Variants in ISOC2 observed in about 807,000 individuals in gnomAD.
ISOC2 encodes isochorismatase domain-containing protein 2.
A neutral mutation model predicts 19.3 loss-of-function variants in ISOC2; 15 were observed. The ratio of observed to expected loss-of-function variants is 0.78; its 90% CI spans 0.52 to 1.20. The LOEUF is 1.20. Ranked by LOEUF, ISOC2 falls within the 50% of genes most tolerant of loss-of-function variation. The pLI is 0.00. For synonymous variants in ISOC2, 106 were observed against 115.8 expected, an observed-to-expected ratio of 0.92 and a Z score of 0.54; for missense variants, 285 against 272.4, an observed-to-expected ratio of 1.05 and a Z score of -0.33.
Position 55,453,187 on chromosome 19 carries a change from C to CG in ISOC2, c.*120_*121insC, listed in dbSNP as rs1985921522. Reference sequence around the variant, plus strand: ...TGGGAAGGCAGCACCCTGCCCCCCCCACAAGGGGGCGGCACTCCTGGTGGA... The same window carrying CG: ...TGGGAAGGCAGCACCCTGCCCCCCCCGACAAGGGGGCGGCACTCCTGGTGGA... On this transcript the variant is annotated 3_prime_UTR_variant, in exon 6 of 6. Transcript: ENST00000425675. 3.2e-6 allele frequency: 2 copies of CG among 628,342 alleles called. No homozygotes were observed. The highest frequency in any genetic ancestry group is 1.9e-5 in the African/African-American group (1 of 51,706). 38.9% of individuals were successfully genotyped at this position (628,342 alleles called of 1,614,324 possible). A position where few individuals can be genotyped will look rare whatever the true frequency, so the allele number is the denominator to read the frequency against.
chr19:55,455,868 A>G (rs1338945528), intron 2 of ISOC2, 23 bp from the exon 3 acceptor site: 1 of 1,526,602 alleles, frequency 6.6e-7, no homozygotes, highest in Admixed American at 2.0e-5. Context: ...TGGGGAAGAA[A>G]GGTCAGGGTC....
intron 5 of ISOC2, 35 bp from the exon 6 acceptor site, chr19:55,453,423 C>T (rs1274596860): frequency 1.4e-6 from 2 of 1,478,480 alleles, no homozygotes; most frequent in Non-Finnish European, 1.8e-6. Flanking sequence ...CAGGAAGCGT[C>T]TAGGGTCCCG....
chr19:55,455,803 A>G lies in ISOC2; in HGVS notation c.181T>C (p.Tyr61His). 1 of 1,558,428 alleles carries G rather than the reference A, an allele frequency of 6.4e-7. No homozygotes were observed. Among genetic ancestry groups the G allele is most frequent in the Non-Finnish European group, 8.7e-7 (1 of 1,151,104 alleles). The part of the protein sequence containing the change: ...LEVPVMLTEQ[Y>H]PQGLGPTVPE... ...ACCGTGGGGCCCAGGCCTTGTGGGT[A>G]CTGCTCCGTCAGCATGACTGGCACC... Residue 61 changes from tyrosine to histidine, a missense_variant, in exon 3 of 6, where the codon TAC becomes CAC. Coordinates refer to ENST00000425675, the MANE Select transcript of ISOC2 (RefSeq NM_001136201.2).
At chr19:55,455,167 A>G in intron 4 of ISOC2, 61 bp from the exon 5 acceptor site, 7 of 1,575,944 alleles carry the variant, frequency 4.4e-6, no homozygotes, top group Non-Finnish European at 6.1e-6. Flanking sequence ...ACACCCAGAC[A>G]CGCAGGCACC....
Position 55,456,332 on chromosome 19 carries a change from G to T in ISOC2, c.138+17C>A, listed in dbSNP as rs1176648465. 3 of 1,612,192 alleles carry T rather than the reference G, an allele frequency of 1.9e-6. No individual in the cohort carries two copies. Among genetic ancestry groups the T allele is most frequent in the South Asian group, 2.2e-5 (2 of 91,012 alleles). ...AGCCTGGATCCTGGGTCTGAGGGTG[G>T]GGGGCTGAGGTCATACCTTGAGCAT... is the stretch of plus-strand genomic sequence containing the variant. On this transcript the variant is annotated intron_variant, in intron 2 of 5. Transcript: ENST00000425675.
chr19:55,457,831 CAAAA>C (rs58948220), intron 1 of ISOC2, among the ~76,000 whole-genome samples: 1 of 122,370 alleles, frequency 8.2e-6, no homozygotes, highest in Non-Finnish European at 1.7e-5. Flanking sequence ...AACTCCATCT[CAAAA>C]AAAAAAAAAA....
At position 55,453,185 on chromosome 19, in the gene ISOC2, C is replaced by A; in HGVS notation, c.*123G>T. The A allele has an allele frequency of 1.3e-5, 8 of 615,938 alleles. No individual in the cohort carries two copies. Among genetic ancestry groups the A allele is most frequent in the South Asian group, 2.5e-5 (1 of 39,422 alleles). 38.2% of individuals were successfully genotyped at this position (615,938 alleles called of 1,614,324 possible). A position where few individuals can be genotyped will look rare whatever the true frequency, so the allele number is the denominator to read the frequency against. On this transcript the variant is annotated 3_prime_UTR_variant, in exon 6 of 6. Transcript: ENST00000425675. ...AATGGGAAGGCAGCACCCTGCCCCC[C>A]CCACAAGGGGGCGGCACTCCTGGTG...
chr19:55,457,958 G>A (rs1986115325), intron 1 of ISOC2, among the ~76,000 whole-genome samples: 1 of 151,864 alleles, frequency 6.6e-6, no homozygotes, highest in African/African-American at 2.4e-5. Context: ...TCTGGGACTT[G>A]GTGGTGGCGG....
At chr19:55,457,483 C>T (rs1341374618) in intron 1 of ISOC2, among the ~76,000 whole-genome samples, 1 of 149,472 alleles carries the variant, frequency 6.7e-6, no homozygotes, top group Admixed American at 6.7e-5. Flanking sequence ...TGTAGTGAGC[C>T]GAGATCACAC....
chr19:55,456,049 C>T, intron 2 of ISOC2: 1 of 596,780 alleles, frequency 1.7e-6, no homozygotes, highest in Non-Finnish European at 3.0e-6. Context: ...GCCTGGACTC[C>T]TGCGTCTGAG....
chr19:55,455,241 C>T lies in ISOC2; in HGVS notation c.419+19G>A, dbSNP rs1343369581. On this transcript the variant is annotated intron_variant, in intron 4 of 5. Transcript: ENST00000425675. ...CTGATGGCCCCCACGTGCACCCACC[C>T]AGGCAGGGGCCCTCTCACCTGCGTG... 1.2e-6 allele frequency: 2 copies of T among 1,601,188 alleles called. No individual in the cohort carries two copies. Among genetic ancestry groups the T allele is most frequent in the Middle Eastern group, 1.8e-4 (1 of 5,548 alleles).
intron 2 of ISOC2, 87 bp downstream of exon 2, chr19:55,456,262 G>A (rs554154084): frequency 3.2e-6 from 2 of 621,884 alleles, no homozygotes; most frequent in East Asian, 2.7e-5. Context: ...TGGGTCTGAG[G>A]GTGGAGGGCT....
Position 55,453,390 on chromosome 19 carries a change from T to G in ISOC2, c.538-2A>C. 6.3e-7 allele frequency: 1 copy of G among 1,599,406 alleles called. No individual in the cohort carries two copies. Among genetic ancestry groups the G allele is most frequent in the Non-Finnish European group, 8.5e-7 (1 of 1,173,474 alleles). On this transcript the variant is annotated splice_acceptor_variant, in intron 5 of 5. Transcript: ENST00000425675. LOFTEE classifies it high-confidence loss of function. ...GGGCTCCTTGATGAGTTTCTGGATC[T>G]GTAAGGGCAGGGGGCGATGGGTCAG...
intron 1 of ISOC2, among the ~76,000 whole-genome samples, chr19:55,460,551 T>C (rs1568460269): frequency 6.6e-6 from 1 of 152,200 alleles, no homozygotes; most frequent in Non-Finnish European, 1.5e-5. Context: ...CCGGCAAAAC[T>C]GATCTATGGC....
At chr19:55,460,431 T>C (rs1986197002) in intron 1 of ISOC2, among the ~76,000 whole-genome samples, 1 of 152,224 alleles carries the variant, frequency 6.6e-6, no homozygotes, top group African/African-American at 2.4e-5. Context: ...GGGAAGTCTG[T>C]AGGAGCCTTT....
At chr19:55,461,113 G>A (rs1401877801) in intron 1 of ISOC2, among the ~76,000 whole-genome samples, 1 of 152,036 alleles carries the variant, frequency 6.6e-6, no homozygotes, top group Non-Finnish European at 1.5e-5. Context: ...AGCCTGGGTG[G>A]AGGGTACCCA....
In ISOC2 at chr19:55,461,600, T is replaced by C. The variant is rs1012665172; in HGVS notation, c.-92A>G. The C allele has an allele frequency of 6.6e-5, 10 of 152,306 alleles. No individual in the cohort carries two copies. Among genetic ancestry groups the C allele is most frequent in the Non-Finnish European group, 1.2e-4 (8 of 68,112 alleles). The allele number at this position is 152,306 out of a possible 1,614,324, so 9.4% of individuals were successfully genotyped here. A position where few individuals can be genotyped will look rare whatever the true frequency, so the allele number is the denominator to read the frequency against. ...CTCTCGGCTCTCGGACGGCCACCGC[T>C]GAGGCCTCTTGCGGGCTTCCCAGGG... On this transcript the variant is annotated 5_prime_UTR_variant, in exon 1 of 6. Coordinates refer to ENST00000425675, the MANE Select transcript of ISOC2 (RefSeq NM_001136201.2).
chr19:55,453,363 G>T lies in ISOC2; in HGVS notation c.563C>A (p.Ala188Asp). ...GAGGCCCAGCAGTCCGCTGTCTGGG[G>T]CGGGCTCCTTGATGAGTTTCTGGAT... ...KEIQKLIKEPAPDSGLLGLFQ... is the reference protein window; with the variant it reads ...KEIQKLIKEPDPDSGLLGLFQ... The change falls in exon 6 of 6, where the codon GCC becomes GAC. Residue 188 changes from alanine to aspartate, a missense_variant. Coordinates refer to ENST00000425675, the MANE Select transcript of ISOC2 (RefSeq NM_001136201.2). 6.2e-7 allele frequency: 1 copy of T among 1,606,846 alleles called. No homozygotes were observed. Among genetic ancestry groups the T allele is most frequent in the Non-Finnish European group, 8.5e-7 (1 of 1,176,868 alleles).
At chr19:55,458,745 C>T (rs1441007387) in intron 1 of ISOC2, among the ~76,000 whole-genome samples, 1 of 151,834 alleles carries the variant, frequency 6.6e-6, no homozygotes, top group Non-Finnish European at 1.5e-5. Context: ...CCAGGCTGGT[C>T]TTGAACTCCT....
Sources: gnomAD v4.1 joint callset for allele counts (sites outside exome capture counted in the v4.1 genomes callset) on GRCh38, gnomAD v4.1.1 for gene constraint, MANE v1.5 for transcripts, NCBI Gene and HGNC (gene_info 2026-07-23, HGNC 2026-07-21) for gene names.